The following MAST4 variants were observed in gnomAD, a reference collection of about 807,000 sequenced individuals.
MAST4 encodes microtubule-associated serine/threonine-protein kinase 4.
MAST4 carries 89 observed loss-of-function variants against 162.7 expected under a neutral mutation model. The ratio of observed to expected loss-of-function variants is 0.55; its 90% CI spans 0.46 to 0.65. The LOEUF (loss-of-function observed/expected upper bound fraction) is 0.65, where lower values mean the gene tolerates loss of function less well. Among genes scored for constraint, MAST4 ranks in the 30% least tolerant of loss-of-function variants. The probability of loss-of-function intolerance (pLI) is 0.00; values close to 1 mark genes in which losing one functional copy is unlikely to be tolerated. For missense variants in MAST4, 3,153 were observed against 3,374.0 expected, an observed-to-expected ratio of 0.93 and a Z score of 1.62; for synonymous variants, 1,479 against 1,361.1, an observed-to-expected ratio of 1.09 and a Z score of -1.91.
At chr5:67,059,489 T>C (rs765977625) in intron 5 of MAST4, among the ~76,000 whole-genome samples, 2 of 152,218 alleles carry the variant, frequency 1.3e-5, no homozygotes, top group Non-Finnish European at 2.9e-5. Flanking sequence ...TATTGTATTT[T>C]GATTTAAATG....
Position 67,078,929 on chromosome 5 carries a change from T to TA in MAST4, c.764-11232dup, listed in dbSNP as rs1449621572. Among the ~76,000 whole-genome samples, 61 of 67,184 alleles carry TA rather than the reference T, an allele frequency of 9.1e-4. 1 individual carries two copies. The East Asian group carries it at 9.7e-3, about 11-fold the overall frequency. 44.1% of individuals were successfully genotyped at this position (67,184 alleles called of 152,430 possible). A position where few individuals can be genotyped will look rare whatever the true frequency, so the allele number is the denominator to read the frequency against. On this transcript the variant is annotated intron_variant, in intron 5 of 28. Transcript: ENST00000403625. Reference sequence around the variant, plus strand: ...TTATATAAATATATATATATATATATATATATATATATATATATATATGGC... The same window carrying TA: ...TTATATAAATATATATATATATATATAATATATATATATATATATATATGGC...
At chr5:67,132,079 T>A in intron 16 of MAST4, 128 bp downstream of exon 16, 1 of 1,030,020 alleles carries the variant, frequency 9.7e-7, no homozygotes, top group Non-Finnish European at 1.4e-6. Context: ...TGAGTTGTTT[T>A]AACAGTATAT....
chr5:66,738,190 T>C (rs1370650837), intron 1 of MAST4: 5 of 152,236 alleles, frequency 3.3e-5, no homozygotes, highest in African/African-American at 2.4e-5. Context: ...CCTGGCAGTG[T>C]CCTCACTCTG....
intron 5 of MAST4, among the ~76,000 whole-genome samples, chr5:67,060,742 A>G (rs111578468): frequency 3.9e-5 from 6 of 151,948 alleles, no homozygotes; most frequent in Admixed American, 6.6e-5. Context: ...CTCCCAAAGT[A>G]GGGAGTATCA....
chr5:66,597,440 G>C (rs182719037), intron 1 of MAST4, among the ~76,000 whole-genome samples: 3 of 152,162 alleles, frequency 2.0e-5, no homozygotes, highest in Admixed American at 6.5e-5. Flanking sequence ...TGGTGCCTTG[G>C]GGGTAAGAGG....
Position 66,864,899 on chromosome 5 carries a change from T to C in MAST4, c.643-35052T>C, listed in dbSNP as rs189560631. On this transcript the variant is annotated intron_variant, in intron 3 of 28. Coordinates refer to ENST00000403625, the MANE Select transcript of MAST4 (RefSeq NM_001164664.2). ...GCCTTAGCAAACTGACACAGATGGC[T>C]TAGATGAGGTTGAGGACACTGGAAG... is the stretch of plus-strand genomic sequence containing the variant. Among the ~76,000 whole-genome samples the C allele has an allele frequency of 6.2e-4, 94 of 152,282 alleles. 2 individuals carry two copies. Among genetic ancestry groups the C allele is most frequent in the Non-Finnish European group, 4.4e-5 (3 of 68,026 alleles).
intron 14 of MAST4, among the ~76,000 whole-genome samples, chr5:67,129,917 A>T (rs1462731679): frequency 2.0e-5 from 3 of 152,172 alleles, no homozygotes; most frequent in African/African-American, 7.2e-5. Context: ...TCAGCTAGCT[A>T]TTAGGAAATA....
intron 4 of MAST4, among the ~76,000 whole-genome samples, chr5:67,019,873 C>G (rs1464739678): frequency 1.3e-5 from 2 of 152,114 alleles, no homozygotes; most frequent in East Asian, 3.9e-4. Flanking sequence ...CCAAAACCGT[C>G]TAGTTGAACC....
intron 2 of MAST4, among the ~76,000 whole-genome samples, chr5:66,768,977 T>C (rs895392108): frequency 3.9e-5 from 6 of 151,982 alleles, no homozygotes; most frequent in Non-Finnish European, 7.4e-5. Context: ...AGGGGTTCAG[T>C]TGGGAGGGTT....
intron 4 of MAST4, among the ~76,000 whole-genome samples, chr5:66,990,852 G>A (rs1489686542): frequency 6.6e-6 from 1 of 151,922 alleles, no homozygotes; most frequent in East Asian, 1.9e-4. Context: ...ATTTCTTTGG[G>A]GAAACAGATA....
intron 5 of MAST4, among the ~76,000 whole-genome samples, chr5:67,055,385 C>T (rs1298586662): frequency 6.6e-6 from 1 of 152,154 alleles, no homozygotes; most frequent in Non-Finnish European, 1.5e-5. Flanking sequence ...TCACTGTACT[C>T]TTGTGAAAAC....
Position 67,116,587 on chromosome 5 carries a change from G to C in MAST4, c.1592-2095G>C, listed in dbSNP as rs181425492. Among the ~76,000 whole-genome samples the C allele has an allele frequency of 1.7e-3, 254 of 151,558 alleles. 1 individual carries two copies. Among genetic ancestry groups the C allele is most frequent in the African/African-American group, 6.0e-3 (246 of 41,316 alleles). On this transcript the variant is annotated intron_variant, in intron 12 of 28. Coordinates refer to ENST00000403625, the MANE Select transcript of MAST4 (RefSeq NM_001164664.2). ...TTTAATAAACAAATTGCACCGCGCT[G>C]AGTGGATCACCTGAGGTCAGGAGTT...
chr5:67,093,649 A>G (rs910022664), intron 6 of MAST4: 1 of 464,784 alleles, frequency 2.2e-6, no homozygotes, highest in African/African-American at 2.0e-5. Flanking sequence ...AATGTAATTT[A>G]TGCTTCAGAA....
At chr5:66,836,422 G>C (rs561817328) in intron 3 of MAST4, among the ~76,000 whole-genome samples, 99 of 152,194 alleles carry the variant, frequency 6.5e-4, no homozygotes, top group African/African-American at 2.3e-3. Context: ...ACTACCATTT[G>C]ACCCAGCAAT....
At position 67,166,873 on chromosome 5, in the gene MAST4, C is replaced by G. The variant is rs773209417; in HGVS notation, c.7694C>G (p.Pro2565Arg). ...ATVGETKGKD[P>R]APAQPPPARK... is the part of the protein sequence containing the mutation. ...GTAGGGGAAACCAAAGGGAAGGACC[C>G]TGCCCCAGCCCAGCCTCCCCCAGCT... The change falls in exon 29 of 29, where the codon CCT becomes CGT. Residue 2565 changes from proline (P) to arginine (R), a missense_variant. Physicochemically the swap from Pro to Arg is moderately radical, Grantham distance 103. Around this residue, in one of 7 missense-constraint regions of MAST4, gnomAD observed 1,644 missense variants for 1,495.0 expected, o/e 1.10. Transcript: ENST00000403625. 84 of 1,608,288 alleles carry G rather than the reference C, an allele frequency of 5.2e-5. No homozygotes were observed. The South Asian group carries it at 9.0e-4, about 17-fold the overall frequency.
At chr5:66,768,678 A>G (rs940360115) in intron 2 of MAST4, among the ~76,000 whole-genome samples, 1 of 152,186 alleles carries the variant, frequency 6.6e-6, no homozygotes, top group Non-Finnish European at 1.5e-5. Context: ...AAAGGGCAAC[A>G]TGAGGGATCC....
At chr5:66,985,609 C>G (rs978404148) in intron 4 of MAST4, among the ~76,000 whole-genome samples, 5 of 152,008 alleles carry the variant, frequency 3.3e-5, no homozygotes, top group African/African-American at 1.2e-4. Context: ...AACCTGTAGC[C>G]TGCTTGTGTG....
At chr5:66,611,106 T>C (rs536603363) in intron 1 of MAST4, among the ~76,000 whole-genome samples, 1 of 152,378 alleles carries the variant, frequency 6.6e-6, no homozygotes, top group East Asian at 1.9e-4. Flanking sequence ...ATTTTTTTTC[T>C]TTGTGTAACA....
chr5:67,166,282 G>A lies in MAST4; in HGVS notation c.7103G>A (p.Arg2368Lys), dbSNP rs1435356853. The change falls in exon 29 of 29, where the codon AGG becomes AAG. Residue 2368 changes from arginine (R) to lysine (K), a missense_variant. This residue lies in a region of MAST4 where 1,644 missense variants were observed against 1,495.0 expected (regional missense o/e 1.10). Coordinates refer to ENST00000403625, the MANE Select transcript of MAST4 (RefSeq NM_001164664.2). ...PSQPAANTDR[R>K]AEGKKCTEAL... is the part of the protein sequence containing the mutation. ...CAGCCGGCCGCCAACACCGACAGAA[G>A]GGCGGAAGGGAAGAAATGCACTGAA... is the stretch of plus-strand genomic sequence containing the variant. 1.3e-6 allele frequency: 2 copies of A among 1,558,864 alleles called. No individual in the cohort carries two copies. Among genetic ancestry groups the A allele is most frequent in the African/African-American group, 1.4e-5 (1 of 73,468 alleles).
Sources: allele counts gnomAD v4.1 joint callset (sites outside exome capture counted in the v4.1 genomes callset), GRCh38; gene constraint gnomAD v4.1.1; regional missense constraint gnomAD v4.1.1; transcripts MANE v1.5; gene names NCBI Gene and HGNC (gene_info 2026-07-23, HGNC 2026-07-21).